Variants in ZNF117 observed in about 807,000 individuals in gnomAD.
ZNF117 encodes the protein Krueppel-related zinc finger protein.
In ZNF117, 37 loss-of-function variants were observed where a neutral mutation model predicts 41.2. The ratio of observed to expected loss-of-function variants is 0.90; its 90% CI spans 0.69 to 1.18. The LOEUF (loss-of-function observed/expected upper bound fraction) is 1.18. Ranked by LOEUF, ZNF117 falls within the 50% of genes most tolerant of loss-of-function variation. The pLI is 0.00. For synonymous variants in ZNF117, 186 were observed against 186.6 expected, an observed-to-expected ratio of 1.00 and a Z score of 0.02; for missense variants, 546 against 557.5, an observed-to-expected ratio of 0.98 and a Z score of 0.21.
exon 3 of ZNF117, chr7:64,977,276 A>C: frequency 2.5e-6 from 1 of 404,070 alleles, no homozygotes; most frequent in Non-Finnish European, 4.9e-6. Flanking sequence ...TAAGGTTTGA[A>C]GATCGGTTAA....
At chr7:64,982,196 G>A, upstream of ZNF117, 2 of 517,648 alleles carry the variant, frequency 3.9e-6, no homozygotes, top group South Asian at 3.0e-5. Flanking sequence ...TAAATTTCAA[G>A]GTAAAATAAA....
chr7:64,977,747 A>T, exon 3 of ZNF117: 1 of 890,944 alleles, frequency 1.1e-6, no homozygotes, highest in Non-Finnish European at 1.8e-6. Flanking sequence ...GTTTCTCTCC[A>T]GTATGAATTA....
chr7:64,989,475 A>T (rs1399866498), intron 1 of ZNF117, among the ~76,000 whole-genome samples: 2 of 115,130 alleles, frequency 1.7e-5, no homozygotes, highest in Admixed American at 8.7e-5. Flanking sequence ...ATATATATAT[A>T]TATATATATA....
chr7:64,981,709 T>C (rs1234095496), intron 1 of ZNF117, among the ~76,000 whole-genome samples: 1 of 152,108 alleles, frequency 6.6e-6, no homozygotes, highest in Non-Finnish European at 1.5e-5. Context: ...GGGAGTTAGA[T>C]TTTAAGGTGT....
At chr7:64,977,269 G>A in exon 3 of ZNF117, 1 of 414,234 alleles carries the variant, frequency 2.4e-6, no homozygotes, top group South Asian at 1.9e-5. Flanking sequence ...TGGTCTGTAA[G>A]GTTTGAAGAT....
chr7:64,978,891 A>G, exon 3 of ZNF117: 1 of 1,613,208 alleles, frequency 6.2e-7, no homozygotes, highest in Non-Finnish European at 8.5e-7. Flanking sequence ...AAAAGCTCTA[A>G]CACATTTCTC....
intron 2 of ZNF117, 114 bp from the exon 4 acceptor site, chr7:64,979,650 T>TA: frequency 1.3e-6 from 1 of 780,642 alleles, no homozygotes. Context: ...CATAGCAAAA[T>TA]ACCACAGGTT....
At chr7:64,987,087 T>C (rs1394150447), upstream of ZNF117, among the ~76,000 whole-genome samples, 1 of 152,236 alleles carries the variant, frequency 6.6e-6, no homozygotes, top group East Asian at 1.9e-4. Context: ...CCCCAAATTA[T>C]ACCAACCACA....
At chr7:64,981,557 A>G in intron 1 of ZNF117, 75 bp from the exon 3 acceptor site, 1 of 1,247,818 alleles carries the variant, frequency 8.0e-7, no homozygotes, top group African/African-American at 1.5e-5. Context: ...TGCTCAGTAA[A>G]GAGAATGCAA....
At chr7:64,978,483 C>T (rs1785946978) in exon 3 of ZNF117, 2 of 1,613,474 alleles carry the variant, frequency 1.2e-6, no homozygotes, top group East Asian at 2.2e-5. Context: ...ACATTCTCCA[C>T]ATTTGTAGGG....
At position 64,989,566 on chromosome 7, in the gene ZNF117, T is replaced by C. The variant is rs10253182; in HGVS notation, c.-196+381A>G. ...GACATAAAAACTGGCAAAGATTTTA[T>C]GATGAAGATACCAAAAGCAATTGCA... On this transcript the variant is annotated intron_variant, in intron 1 of 3. Transcript: ENST00000282869. Among the ~76,000 whole-genome samples, 9 of 144,326 alleles carry C rather than the reference T, an allele frequency of 6.2e-5. No homozygotes were observed. In the Admixed American group the frequency reaches 6.4e-4, roughly 10 times the overall value. 94.7% of individuals were successfully genotyped at this position (144,326 alleles called of 152,430 possible). A position where few individuals can be genotyped will look rare whatever the true frequency, so the allele number is the denominator to read the frequency against.
upstream of ZNF117, among the ~76,000 whole-genome samples, chr7:64,982,813 T>A (rs563480770): frequency 6.6e-6 from 1 of 152,274 alleles, no homozygotes; most frequent in South Asian, 2.1e-4. Flanking sequence ...TACTTAATAA[T>A]GAAGAGAAAA....
chr7:64,977,347 T>C (rs976942363), exon 3 of ZNF117: 6 of 414,178 alleles, frequency 1.4e-5, no homozygotes, highest in Admixed American at 3.3e-5. Context: ...ATCTTATATG[T>C]AGAAAGGGTT....
exon 3 of ZNF117, chr7:64,977,164 G>T: frequency 2.1e-6 from 1 of 468,890 alleles, no homozygotes; most frequent in South Asian, 1.6e-5. Context: ...TCTCCAGTAT[G>T]AATTACCTTA....
exon 3 of ZNF117, chr7:64,978,450 G>A (rs200003329): frequency 1.9e-6 from 3 of 1,613,648 alleles, no homozygotes; most frequent in Non-Finnish European, 2.5e-6. Context: ...ATTAAGGGCT[G>A]AGGACTGGTT....
At chr7:64,986,163 A>C (rs1481953229), upstream of ZNF117, among the ~76,000 whole-genome samples, 1 of 152,116 alleles carries the variant, frequency 6.6e-6, no homozygotes, top group Non-Finnish European at 1.5e-5. Context: ...TTATAAAAAA[A>C]AAATCCATGG....
intron 1 of ZNF117, among the ~76,000 whole-genome samples, chr7:64,988,751 C>T (rs1341626933): frequency 6.6e-6 from 1 of 152,118 alleles, no homozygotes. Context: ...CCAAACTTCA[C>T]AATACAAAGC....
chr7:64,976,993 T>C (rs1387989006), exon 3 of ZNF117: 1 of 533,448 alleles, frequency 1.9e-6, no homozygotes, highest in Non-Finnish European at 3.8e-6. Flanking sequence ...TTCTCTCCAG[T>C]ACGATTTTTC....
At chr7:64,974,959 ACACT>A (rs1785848574) in exon 3 of ZNF117, 2 of 151,952 alleles carry the variant, frequency 1.3e-5, no homozygotes, top group South Asian at 4.2e-4. Context: ...ATATATACAC[ACACT>A]ATGTACCCAC....
Sources: gnomAD v4.1 joint callset for allele counts (sites outside exome capture counted in the v4.1 genomes callset) on GRCh38, gnomAD v4.1.1 for gene constraint, MANE v1.5 for transcripts, NCBI Gene and HGNC (gene_info 2026-07-23, HGNC 2026-07-21) for gene names.